TAS2R1: variants seen among roughly 807,000 people sequenced by gnomAD.
TAS2R1 encodes taste receptor type 2 member 1.
For missense variants in TAS2R1, 370 were observed against 353.4 expected (o/e 1.05, Z -0.38); for synonymous variants, 141 against 134.2 (o/e 1.05, Z -0.35).
intron 2 of TAS2R1, chr5:9,658,868 A>C (rs2126493822): frequency 6.6e-6 from 1 of 152,332 alleles, no homozygotes; most frequent in East Asian, 1.9e-4. Context: ...TAACAGCACA[A>C]CACGGTCTTT....
At chr5:9,862,836 A>C in the TAS2R1 span, 3 of 152,182 alleles carry the variant, frequency 2.0e-5, no homozygotes, top group Non-Finnish European at 4.4e-5. Flanking sequence ...GCTGGTCTTG[A>C]ATTACTGAGC....
intron 1 of TAS2R1, among the ~76,000 whole-genome samples, chr5:9,684,314 T>G (rs75891380): frequency 6.6e-6 from 1 of 152,190 alleles, no homozygotes; most frequent in Non-Finnish European, 1.5e-5. Flanking sequence ...GAGAAATACC[T>G]CACGTTCTTG....
intron 2 of TAS2R1, chr5:9,658,742 C>G (rs780398175): frequency 1.1e-4 from 17 of 152,214 alleles, no homozygotes; most frequent in Non-Finnish European, 2.1e-4. Context: ...AATTTAAAAG[C>G]TGTTACTTAT....
chr5:9,653,742 A>G (rs1440778392), intron 2 of TAS2R1, among the ~76,000 whole-genome samples: 2 of 152,208 alleles, frequency 1.3e-5, no homozygotes, highest in Non-Finnish European at 2.9e-5. Context: ...GAAGTGCATG[A>G]TACTGTATCA....
At chr5:9,720,704 G>A in the TAS2R1 span, among the ~76,000 whole-genome samples, 1 of 152,208 alleles carries the variant, frequency 6.6e-6, no homozygotes, top group Admixed American at 6.5e-5. Context: ...GCTACGGAGA[G>A]CAGAGTTCCT....
chr5:9,840,169 G>A, the TAS2R1 span, among the ~76,000 whole-genome samples: 1 of 152,170 alleles, frequency 6.6e-6, no homozygotes, highest in Admixed American at 6.5e-5. Context: ...GCTGCAGGAA[G>A]GGTGAGCTAA....
chr5:9,877,944 T>G, the TAS2R1 span, among the ~76,000 whole-genome samples: 4 of 152,216 alleles, frequency 2.6e-5, no homozygotes, highest in African/African-American at 9.6e-5. Context: ...AGTGATCACC[T>G]CCTACTGGAG....
At chr5:9,652,235 C>T (rs564093405) in intron 2 of TAS2R1, among the ~76,000 whole-genome samples, 4 of 152,318 alleles carry the variant, frequency 2.6e-5, no homozygotes, top group South Asian at 2.1e-4. Flanking sequence ...TCACCAAATA[C>T]GCTCTTAGTG....
At chr5:9,670,986 C>G (rs1561374645) in intron 1 of TAS2R1, among the ~76,000 whole-genome samples, 1 of 152,184 alleles carries the variant, frequency 6.6e-6, no homozygotes, top group East Asian at 1.9e-4. Context: ...GTTGGTTCAA[C>G]TTATGTAAAT....
the TAS2R1 span, among the ~76,000 whole-genome samples, chr5:9,879,604 C>A: frequency 4.6e-5 from 7 of 152,166 alleles, no homozygotes; most frequent in African/African-American, 1.7e-4. Flanking sequence ...GCAGCACCCA[C>A]ATTTGCAAGG....
chr5:9,871,993 A>C, the TAS2R1 span, among the ~76,000 whole-genome samples: 32 of 152,234 alleles, frequency 2.1e-4, no homozygotes, highest in Admixed American at 2.0e-3. Flanking sequence ...ATCTTGATTC[A>C]TTGCTAATTT....
At chr5:9,728,705 C>T in the TAS2R1 span, among the ~76,000 whole-genome samples, 2 of 152,100 alleles carry the variant, frequency 1.3e-5, no homozygotes, top group Admixed American at 6.5e-5. Flanking sequence ...AAATGGAGAG[C>T]GAAACCCAAG....
At chr5:9,855,088 G>A in the TAS2R1 span, among the ~76,000 whole-genome samples, 1 of 152,180 alleles carries the variant, frequency 6.6e-6, no homozygotes, top group Non-Finnish European at 1.5e-5. Context: ...CTGGACATGG[G>A]TGTTTACAGT....
At chr5:9,732,882 G>A in the TAS2R1 span, among the ~76,000 whole-genome samples, 1,618 of 152,322 alleles carry the variant, frequency 0.011, 13 homozygotes, top group Non-Finnish European at 0.017. Flanking sequence ...ACTCAGACAG[G>A]AGCGGATATT....
chr5:9,763,320 T>G, the TAS2R1 span, among the ~76,000 whole-genome samples: 1 of 152,068 alleles, frequency 6.6e-6, no homozygotes, highest in Non-Finnish European at 1.5e-5. Flanking sequence ...CTGGTCAATA[T>G]GGTAAAACTC....
At chr5:9,697,178 TA>T (rs796368319) in intron 1 of TAS2R1, among the ~76,000 whole-genome samples, 5 of 150,218 alleles carry the variant, frequency 3.3e-5, no homozygotes, top group African/African-American at 7.3e-5. Flanking sequence ...CTTTTTTGTT[TA>T]AAAAAAAAGA....
chr5:9,811,867 C>T, the TAS2R1 span, among the ~76,000 whole-genome samples: 5 of 151,968 alleles, frequency 3.3e-5, no homozygotes, highest in African/African-American at 1.2e-4. Context: ...GACAAGCCAT[C>T]CCTTCCCTCA....
chr5:9,730,413 A>G, the TAS2R1 span, among the ~76,000 whole-genome samples: 1 of 152,194 alleles, frequency 6.6e-6, no homozygotes, highest in African/African-American at 2.4e-5. Context: ...TTGGAAATAG[A>G]TAGAAGGCTT....
At chr5:9,846,283 T>C in the TAS2R1 span, among the ~76,000 whole-genome samples, 1 of 152,202 alleles carries the variant, frequency 6.6e-6, no homozygotes, top group African/African-American at 2.4e-5. Flanking sequence ...GCATATTGTT[T>C]CCACCCATAG....
Sources: allele counts gnomAD v4.1 joint callset (sites outside exome capture counted in the v4.1 genomes callset), GRCh38; gene constraint gnomAD v4.1.1; transcripts MANE v1.5; gene names NCBI Gene and HGNC (gene_info 2026-07-23, HGNC 2026-07-21).